ASPRV1: variants seen among roughly 807,000 people sequenced by gnomAD.
ASPRV1 encodes retroviral-like aspartic protease 1.
ASPRV1 carries 7 observed loss-of-function variants against 11.0 expected under a neutral mutation model. That is an observed-to-expected ratio of 0.64 (90% CI 0.36 to 1.20). The LOEUF is 1.20. ASPRV1 is among the 50% of genes most tolerant of loss of function. The probability of loss-of-function intolerance (pLI) is 0.02; values close to 1 mark genes in which losing one functional copy is unlikely to be tolerated. For synonymous variants in ASPRV1, 136 were observed against 138.4 expected (o/e 0.98, Z 0.12); for missense variants, 299 against 320.0 (o/e 0.93, Z 0.50).
At chr2:69,937,448 C>CAGGG in the ASPRV1 span, 691,646 of 1,513,252 alleles carry the variant, frequency 0.46, 166,047 homozygotes, top group African/African-American at 0.8. Flanking sequence ...AACCCCAGAG[C>CAGGG]AGGGGTTCAG....
the ASPRV1 span, among the ~76,000 whole-genome samples, chr2:70,078,729 T>C: frequency 2.6e-5 from 4 of 152,222 alleles, no homozygotes; most frequent in Middle Eastern, 3.2e-3. Flanking sequence ...CATGGTCTTA[T>C]AGACCATGGT....
the ASPRV1 span, among the ~76,000 whole-genome samples, chr2:70,032,730 C>T: frequency 6.6e-6 from 1 of 152,078 alleles, no homozygotes; most frequent in African/African-American, 2.4e-5. Context: ...AAGACTTTGC[C>T]CAACCTCTTT....
At chr2:69,987,318 C>G in the ASPRV1 span, among the ~76,000 whole-genome samples, 2 of 152,068 alleles carry the variant, frequency 1.3e-5, no homozygotes, top group African/African-American at 2.4e-5. Context: ...ATCCCTCATC[C>G]CTGGTCCAAA....
the ASPRV1 span, chr2:70,028,534 T>G: frequency 6.6e-6 from 1 of 152,086 alleles, no homozygotes; most frequent in African/African-American, 2.4e-5. Flanking sequence ...GGAGGTGACA[T>G]AGTAGGAACC....
chr2:70,026,016 G>C, the ASPRV1 span, among the ~76,000 whole-genome samples: 1 of 152,188 alleles, frequency 6.6e-6, no homozygotes, highest in Non-Finnish European at 1.5e-5. Flanking sequence ...GCACTTCCCA[G>C]TCATCCTCTA....
chr2:69,990,533 A>T, the ASPRV1 span, among the ~76,000 whole-genome samples: 1 of 151,992 alleles, frequency 6.6e-6, no homozygotes, highest in East Asian at 1.9e-4. Flanking sequence ...GCTGGAGTGC[A>T]GTTGTGTGAT....
chr2:69,933,428 G>A, the ASPRV1 span, among the ~76,000 whole-genome samples: 6 of 152,124 alleles, frequency 3.9e-5, no homozygotes, highest in Admixed American at 3.9e-4. Context: ...AGTAGTGGGA[G>A]GAGCACACCT....
At chr2:70,068,534 T>C in the ASPRV1 span, among the ~76,000 whole-genome samples, 1 of 151,978 alleles carries the variant, frequency 6.6e-6, no homozygotes, top group South Asian at 2.1e-4. Context: ...AAAGGCACAT[T>C]ATGTAAAGGT....
At chr2:70,021,320 CTT>C in the ASPRV1 span, among the ~76,000 whole-genome samples, 173 of 137,526 alleles carry the variant, frequency 1.3e-3, no homozygotes, top group Middle Eastern at 3.7e-3. Context: ...TGAATAAATT[CTT>C]TTTTTTTTTT....
At chr2:70,061,394 C>CA in the ASPRV1 span, among the ~76,000 whole-genome samples, 18,755 of 77,186 alleles carry the variant, frequency 0.24, 1,976 homozygotes, top group South Asian at 0.44. Context: ...GACTCTGTCT[C>CA]AAAAAAAAAA....
chr2:69,984,920 A>T, the ASPRV1 span, among the ~76,000 whole-genome samples: 1 of 138,084 alleles, frequency 7.2e-6, no homozygotes, highest in Admixed American at 7.1e-5. Flanking sequence ...GCAGTGGCGC[A>T]ATCTCGGCTC....
At chr2:70,022,648 C>T in the ASPRV1 span, among the ~76,000 whole-genome samples, 1 of 151,920 alleles carries the variant, frequency 6.6e-6, no homozygotes, top group Non-Finnish European at 1.5e-5. Flanking sequence ...TGAGATCGCA[C>T]CACTGCACTC....
the ASPRV1 span, among the ~76,000 whole-genome samples, chr2:69,995,022 AATT>A: frequency 2.7e-5 from 4 of 149,826 alleles, no homozygotes; most frequent in African/African-American, 9.8e-5. Context: ...TAAATAAATT[AATT>A]AATTAATTAA....
chr2:69,957,303 A>C (rs1677962237), downstream of ASPRV1, among the ~76,000 whole-genome samples: 1 of 152,126 alleles, frequency 6.6e-6, no homozygotes. Context: ...GGAGAAAAGG[A>C]ATGAGAATGA....
At chr2:69,988,138 T>C in the ASPRV1 span, among the ~76,000 whole-genome samples, 7 of 152,334 alleles carry the variant, frequency 4.6e-5, no homozygotes, top group Middle Eastern at 0.014. Context: ...AATTACCATA[T>C]GATGCAGCAA....
the ASPRV1 span, among the ~76,000 whole-genome samples, chr2:70,014,796 C>CAAAAAAAAAAAAA: frequency 2.2e-3 from 163 of 73,868 alleles, 1 homozygote; most frequent in Non-Finnish European, 2.6e-3. Context: ...GACCTTGTCT[C>CAAAAAAAAAAAAA]AAAAAAAAAA....
At chr2:70,013,415 G>T in the ASPRV1 span, among the ~76,000 whole-genome samples, 6 of 152,134 alleles carry the variant, frequency 3.9e-5, no homozygotes, top group Non-Finnish European at 5.9e-5. Flanking sequence ...TCTGTATGTA[G>T]CTGGATTTCC....
chr2:70,025,008 A>G, the ASPRV1 span, among the ~76,000 whole-genome samples: 18 of 152,348 alleles, frequency 1.2e-4, no homozygotes, highest in African/African-American at 4.3e-4. Context: ...TGTAGCTCAA[A>G]TAAATGTTCC....
chr2:69,984,029 C>G, the ASPRV1 span, among the ~76,000 whole-genome samples: 3 of 152,128 alleles, frequency 2.0e-5, no homozygotes, highest in Non-Finnish European at 4.4e-5. Flanking sequence ...ACTCTATGAA[C>G]GAGGAGGTTT....
Sources: allele counts gnomAD v4.1 joint callset (sites outside exome capture counted in the v4.1 genomes callset), GRCh38; gene constraint gnomAD v4.1.1; transcripts MANE v1.5; gene names NCBI Gene and HGNC (gene_info 2026-07-23, HGNC 2026-07-21).